Variants in YAP1 observed in about 807,000 individuals in gnomAD.
The protein encoded by YAP1 is transcriptional coactivator YAP1.
YAP1 carries 5 observed loss-of-function variants against 56.9 expected under a neutral mutation model. That is an observed-to-expected ratio of 0.09 (90% CI 0.05 to 0.18). The LOEUF is 0.18. YAP1 is among the 10% of genes least tolerant of loss of function. YAP1 has a pLI of 1.00. For synonymous variants in YAP1, 265 were observed against 248.1 expected (o/e 1.07, Z -0.64); for missense variants, 539 against 651.8 (o/e 0.83, Z 1.88).
intron 4 of YAP1, among the ~76,000 whole-genome samples, chr11:102,204,586 A>C (rs1949029630): frequency 6.6e-6 from 1 of 152,228 alleles, no homozygotes; most frequent in African/African-American, 2.4e-5. Context: ...GTTTTGCTCA[A>C]GTAGTCTCCA....
intron 4 of YAP1, among the ~76,000 whole-genome samples, chr11:102,192,721 T>A (rs1948357865): frequency 6.6e-6 from 1 of 152,246 alleles, no homozygotes; most frequent in Admixed American, 6.5e-5. Flanking sequence ...TTGCTTAAGG[T>A]TACTTCTCAA....
chr11:102,183,843 G>A (rs1185916737), intron 3 of YAP1, among the ~76,000 whole-genome samples: 4 of 151,810 alleles, frequency 2.6e-5, no homozygotes, highest in Admixed American at 2.0e-4. Context: ...TTGGGAGGCC[G>A]AGGCGGGCGG....
intron 3 of YAP1, among the ~76,000 whole-genome samples, chr11:102,174,394 C>A (rs190207919): frequency 6.6e-6 from 1 of 151,960 alleles, no homozygotes; most frequent in Non-Finnish European, 1.5e-5. Context: ...GTCAACAGAT[C>A]GAGACCATCC....
At chr11:102,201,918 G>A (rs1948880359) in intron 4 of YAP1, among the ~76,000 whole-genome samples, 1 of 151,876 alleles carries the variant, frequency 6.6e-6, no homozygotes, top group African/African-American at 2.4e-5. Context: ...AAAATTTGGG[G>A]CAGGGAATAT....
chr11:102,194,972 G>A (rs982675143), intron 4 of YAP1, among the ~76,000 whole-genome samples: 11 of 151,866 alleles, frequency 7.2e-5, no homozygotes, highest in African/African-American at 2.7e-4. Flanking sequence ...TGCTCAGTCT[G>A]GTCTTGAACT....
chr11:102,177,675 CAAA>C (rs1022433513), intron 3 of YAP1, among the ~76,000 whole-genome samples: 6 of 54,984 alleles, frequency 1.1e-4, no homozygotes, highest in Admixed American at 2.1e-4. Flanking sequence ...GACTCGGTCT[CAAA>C]AAAAAAAAAA....
In YAP1 at chr11:102,187,127, A is replaced by G. The variant is rs372259507; in HGVS notation, c.802+996A>G. 1.6e-4 allele frequency among the ~76,000 whole-genome samples: 25 copies of G among 152,288 alleles called. No individual in the cohort carries two copies. In the South Asian group the frequency reaches 4.4e-3, roughly 27 times the overall value. ...ATGAAAACACAACCCTGCGGGGGGA[A>G]AAAAGAAAAAACTGTATCTGGAGCT... On this transcript the variant is annotated intron_variant, in intron 4 of 8. Coordinates refer to ENST00000282441, the MANE Select transcript of YAP1 (RefSeq NM_001130145.3).
intron 6 of YAP1, among the ~76,000 whole-genome samples, chr11:102,213,689 A>C (rs1020470891): frequency 6.6e-6 from 1 of 152,134 alleles, no homozygotes; most frequent in Non-Finnish European, 1.5e-5. Context: ...GCTTTTCCCC[A>C]TAGTGAGAAC....
At chr11:102,111,527 G>C (rs1428989423) in intron 1 of YAP1, among the ~76,000 whole-genome samples, 3 of 151,840 alleles carry the variant, frequency 2.0e-5, no homozygotes, top group Non-Finnish European at 4.4e-5. Flanking sequence ...GGGAAAAGTC[G>C]GGCCTGGGCC....
chr11:102,114,604 A>G (rs1943162112), intron 2 of YAP1, among the ~76,000 whole-genome samples: 2 of 152,144 alleles, frequency 1.3e-5, no homozygotes, highest in Admixed American at 6.6e-5. Context: ...TGAAAGCTTT[A>G]CTGAGTCTTG....
In YAP1 at chr11:102,110,858, G is replaced by A. The variant is rs972415996; in HGVS notation, c.10G>A (p.Gly4Arg). ...GGGGGAGGCAGAAGCCATGGATCCC[G>A]GGCAGCAGCCGCCGCCTCAACCGGC... MDP[G>R]QQPPPQPAPQ... The change falls in exon 1 of 9, where the codon GGG (glycine) becomes AGG (arginine). Residue 4 changes from glycine (G) to arginine (R), a missense_variant. This residue lies in a region of YAP1 where 106 missense variants were observed against 86.6 expected (regional missense o/e 1.22). Coordinates refer to ENST00000282441, the MANE Select transcript of YAP1 (RefSeq NM_001130145.3). The A allele has an allele frequency of 2.8e-6, 4 of 1,412,750 alleles. No individual in the cohort carries two copies. The highest frequency in any genetic ancestry group is 2.8e-6 in the Non-Finnish European group (3 of 1,082,122). 87.5% of individuals were successfully genotyped at this position (1,412,750 alleles called of 1,614,324 possible).
chr11:102,175,698 C>T (rs992510813), intron 3 of YAP1, among the ~76,000 whole-genome samples: 6 of 152,282 alleles, frequency 3.9e-5, no homozygotes, highest in East Asian at 3.9e-4. Context: ...AGCATGTTAC[C>T]GTACTGAAGA....
At chr11:102,186,751 C>A (rs1241348827) in intron 4 of YAP1, 4 of 152,408 alleles carry the variant, frequency 2.6e-5, no homozygotes, top group Non-Finnish European at 1.5e-5. Flanking sequence ...AAAGGAACCC[C>A]TCCCCTTCCA....
chr11:102,214,146 T>G (rs1591440789), intron 6 of YAP1, among the ~76,000 whole-genome samples: 2 of 152,170 alleles, frequency 1.3e-5, no homozygotes, highest in African/African-American at 4.8e-5. Flanking sequence ...TAAAGATGTC[T>G]TAACTCAGTA....
intron 2 of YAP1, among the ~76,000 whole-genome samples, chr11:102,125,896 C>T (rs1216176073): frequency 2.0e-5 from 3 of 151,900 alleles, no homozygotes; most frequent in Non-Finnish European, 4.4e-5. Flanking sequence ...TTGCAGGGAC[C>T]CCTGAATGCC....
chr11:102,146,053 TTTAG>T lies in YAP1; in HGVS notation c.573-16395_573-16392del, dbSNP rs1408551874. Among the ~76,000 whole-genome samples, 19 of 152,310 alleles carry T rather than the reference TTTAG, an allele frequency of 1.2e-4. No individual in the cohort carries two copies. In the South Asian group the frequency reaches 2.7e-3, roughly 22 times the overall value. ...TTAAGTCAGAATGTCAAGGAATCAG[TTTAG>T]TTAGTTAAGTTAGTTAAATTACATA... On this transcript the variant is annotated intron_variant, in intron 2 of 8. Coordinates refer to ENST00000282441, the MANE Select transcript of YAP1 (RefSeq NM_001130145.3).
At chr11:102,140,530 C>G (rs1403940498) in intron 2 of YAP1, among the ~76,000 whole-genome samples, 1 of 152,118 alleles carries the variant, frequency 6.6e-6, no homozygotes, top group Non-Finnish European at 1.5e-5. Context: ...GGATGTCCCC[C>G]AGATTACTAG....
chr11:102,132,470 C>A (rs753853519), intron 2 of YAP1, among the ~76,000 whole-genome samples: 12 of 152,106 alleles, frequency 7.9e-5, no homozygotes, highest in Non-Finnish European at 1.3e-4. Context: ...ACTTGAAAAG[C>A]CATTTAATGA....
chr11:102,162,504 G>A lies in YAP1; in HGVS notation c.621G>A (p.Leu207=), dbSNP rs1427288443. ...TTWQDPRKAM[L]SQMNVTAPTS... The stretch of plus-strand genomic sequence containing the variant: ...GGCAGGACCCCAGGAAGGCCATGCT[G>A]TCCCAGATGAACGTCACAGCCCCCA... Residue 207 remains leucine (L), a synonymous_variant, in exon 3 of 9, where the codon CTG becomes CTA. Transcript: ENST00000282441. 3.7e-6 allele frequency: 6 copies of A among 1,614,092 alleles called. No individual in the cohort carries two copies. Among genetic ancestry groups the A allele is most frequent in the East Asian group, 4.5e-5 (2 of 44,904 alleles).
Sources: allele counts gnomAD v4.1 joint callset (sites outside exome capture counted in the v4.1 genomes callset), GRCh38; gene constraint gnomAD v4.1.1; regional missense constraint gnomAD v4.1.1; transcripts MANE v1.5; gene names NCBI Gene and HGNC (gene_info 2026-07-23, HGNC 2026-07-21).